Variants in RYR2 observed in about 807,000 individuals in gnomAD.
RYR2 encodes ryanodine receptor 2.
RYR2 carries 227 observed loss-of-function variants against 601.1 expected under a neutral mutation model. The observed-to-expected ratio is 0.38, with a 90% confidence interval of 0.34 to 0.42. The LOEUF (loss-of-function observed/expected upper bound fraction) is 0.42, where lower values mean the gene tolerates loss of function less well. Among genes scored for constraint, RYR2 ranks in the 10% least tolerant of loss-of-function variants. RYR2 has a pLI of 1.00. For missense variants in RYR2, 4,646 were observed against 6,156.5 expected, an observed-to-expected ratio of 0.75 and a Z score of 8.21; for synonymous variants, 2,223 against 2,175.1, an observed-to-expected ratio of 1.02 and a Z score of -0.61.
chr1:237,794,265 C>A (rs910543941), intron 95 of RYR2, among the ~76,000 whole-genome samples: 1 of 152,050 alleles, frequency 6.6e-6, no homozygotes, highest in East Asian at 1.9e-4. Context: ...CATTACTCAG[C>A]GTTCAGGGAT....
chr1:237,751,375 A>G (rs1011113255), intron 80 of RYR2, among the ~76,000 whole-genome samples: 1 of 152,200 alleles, frequency 6.6e-6, no homozygotes, highest in Admixed American at 6.5e-5. Context: ...TGCTAATTTG[A>G]TAGCTTCTGA....
chr1:237,552,185 A>G (rs1273249614), intron 27 of RYR2, among the ~76,000 whole-genome samples: 2 of 152,202 alleles, frequency 1.3e-5, no homozygotes, highest in Non-Finnish European at 2.9e-5. Context: ...GCAGATACCA[A>G]GAAGATTCCT....
chr1:237,242,693 C>T (rs957432821), intron 1 of RYR2, among the ~76,000 whole-genome samples: 2 of 152,144 alleles, frequency 1.3e-5, no homozygotes, highest in Non-Finnish European at 2.9e-5. Context: ...CACTTCAGCA[C>T]AGGTCCCTCT....
intron 101 of RYR2, among the ~76,000 whole-genome samples, chr1:237,820,569 C>T (rs113726110): frequency 1.2e-3 from 178 of 152,286 alleles, no homozygotes; most frequent in African/African-American, 3.9e-3. Context: ...CCACCAGGGC[C>T]CTGGGTTTCA....
At chr1:237,316,309 G>C (rs932172570) in intron 2 of RYR2, among the ~76,000 whole-genome samples, 6 of 152,204 alleles carry the variant, frequency 3.9e-5, no homozygotes, top group African/African-American at 1.4e-4. Flanking sequence ...TTGGCTTTCA[G>C]ATACTTTTAT....
chr1:237,791,254 A>G (rs1658349080), intron 92 of RYR2, among the ~76,000 whole-genome samples, 175 bp from the exon 93 acceptor site: 1 of 152,162 alleles, frequency 6.6e-6, no homozygotes, highest in African/African-American at 2.4e-5. Context: ...TGTCTCCTCC[A>G]TGGTGGCAGA....
chr1:237,253,763 C>G (rs1449022321), intron 1 of RYR2, among the ~76,000 whole-genome samples: 5 of 152,156 alleles, frequency 3.3e-5, no homozygotes, highest in Non-Finnish European at 5.9e-5. Context: ...AAGCCTTCAG[C>G]TGAAATATCT....
intron 10 of RYR2, among the ~76,000 whole-genome samples, chr1:237,388,583 C>G (rs189401949): frequency 7.3e-4 from 111 of 152,208 alleles, no homozygotes; most frequent in African/African-American, 2.5e-3. Flanking sequence ...AATTTTAGGA[C>G]CCTTTGCTAT....
chr1:237,625,402 T>A (rs188204214), intron 39 of RYR2, among the ~76,000 whole-genome samples: 1 of 152,234 alleles, frequency 6.6e-6, no homozygotes, highest in Admixed American at 6.5e-5. Context: ...AGAGTCTTTT[T>A]GGTCTCTACT....
At chr1:237,788,343 T>TA (rs1450723897) in intron 92 of RYR2, among the ~76,000 whole-genome samples, 1 of 152,164 alleles carries the variant, frequency 6.6e-6, no homozygotes, top group Non-Finnish European at 1.5e-5. Context: ...CCATAACCTC[T>TA]ACTCATGTTC....
chr1:237,281,491 C>T (rs1027514003), intron 2 of RYR2, among the ~76,000 whole-genome samples: 3 of 152,216 alleles, frequency 2.0e-5, no homozygotes, highest in African/African-American at 7.2e-5. Flanking sequence ...AAAAAACCTA[C>T]CTGGAGTTCA....
rs71561898 is a variant in RYR2 at position 237,731,891 on chromosome 1, T to TACACACACACACACAC, written c.10936-142_10936-127dup. On this transcript the variant is annotated intron_variant, in intron 77 of 104. Transcript: ENST00000366574. ...TATAGCATGTATAATGCATATAAAA[T>TACACACACACACACAC]ACACACACACACACACACACACACA... is the stretch of plus-strand genomic sequence containing the variant. Among the ~76,000 whole-genome samples the TACACACACACACACAC allele has an allele frequency of 1.6e-3, 229 of 147,398 alleles. 2 individuals are homozygous for TACACACACACACACAC. Among genetic ancestry groups the TACACACACACACACAC allele is most frequent in the African/African-American group, 5.2e-3 (208 of 40,034 alleles).
intron 8 of RYR2, among the ~76,000 whole-genome samples, chr1:237,381,378 T>C (rs528805263): frequency 1.6e-3 from 236 of 152,150 alleles, no homozygotes; most frequent in Middle Eastern, 0.01. Flanking sequence ...AGATCTATCA[T>C]GTGAAAGCAA....
chr1:237,368,508 T>C (rs1268863591), intron 5 of RYR2, among the ~76,000 whole-genome samples: 4 of 152,156 alleles, frequency 2.6e-5, no homozygotes, highest in African/African-American at 9.7e-5. Flanking sequence ...CAAATGTCTC[T>C]CTGTGCTTCT....
intron 96 of RYR2, among the ~76,000 whole-genome samples, chr1:237,796,221 TTTATTCCTATTATTTAATGGAA>T (rs1659207031): frequency 6.6e-6 from 1 of 152,096 alleles, no homozygotes; most frequent in Non-Finnish European, 1.5e-5. Flanking sequence ...ATTTGAACAT[TTTATTCCTATTATTTAATGGAA>T]TAAGGAAGAA....
chr1:237,446,072 C>T lies in RYR2; in HGVS notation c.1292+550C>T, dbSNP rs531792338. Among the ~76,000 whole-genome samples, 340 of 152,282 alleles carry T rather than the reference C, an allele frequency of 2.2e-3. 1 individual carries two copies. The highest frequency in any genetic ancestry group is 0.01 in the Middle Eastern group (3 of 294). On this transcript the variant is annotated intron_variant, in intron 14 of 104. Transcript: ENST00000366574. ...CCTCATGATCCGCTCTCCTTGGCCT[C>T]CCAAAGTGCTGGGATTACAGGTGTG...
At chr1:237,169,596 G>A (rs1677130729) in intron 1 of RYR2, among the ~76,000 whole-genome samples, 1 of 152,064 alleles carries the variant, frequency 6.6e-6, no homozygotes, top group Non-Finnish European at 1.5e-5. Context: ...TGCCATGATT[G>A]CCTTTTTGCT....
chr1:237,244,031 T>C (rs891554120), intron 1 of RYR2, among the ~76,000 whole-genome samples: 3 of 152,080 alleles, frequency 2.0e-5, no homozygotes, highest in Admixed American at 6.5e-5. Flanking sequence ...TATCGGTCAC[T>C]GGTACAGAGG....
intron 29 of RYR2, among the ~76,000 whole-genome samples, chr1:237,579,961 A>T (rs1160785531): frequency 1.3e-5 from 2 of 152,138 alleles, no homozygotes; most frequent in Non-Finnish European, 2.9e-5. Flanking sequence ...AGAAACGCAG[A>T]TGATATCTGA....
Sources: allele counts gnomAD v4.1 joint callset (sites outside exome capture counted in the v4.1 genomes callset), GRCh38; gene constraint gnomAD v4.1.1; transcripts MANE v1.5; gene names NCBI Gene and HGNC (gene_info 2026-07-23, HGNC 2026-07-21).